Variants in RBFOX1 observed in about 807,000 individuals in gnomAD.
RBFOX1 encodes RNA binding fox-1 homolog 1.
In RBFOX1, 8 loss-of-function variants were observed where a neutral mutation model predicts 57.7. The ratio of observed to expected loss-of-function variants is 0.14; its 90% CI spans 0.08 to 0.25. RBFOX1 has a LOEUF of 0.25. RBFOX1 is among the 10% of genes least tolerant of loss of function. RBFOX1 has a pLI of 1.00. For missense variants in RBFOX1, 611 were observed against 548.5 expected (o/e 1.11, Z -1.14); for synonymous variants, 326 against 222.4 (o/e 1.47, Z -4.15).
At chr16:5,878,255 C>T (rs3859167) in intron 4 of RBFOX1, among the ~76,000 whole-genome samples, 59,124 of 151,934 alleles carry the variant, frequency 0.39, 12,811 homozygotes, top group African/African-American at 0.57. Context: ...GTGGTTATAG[C>T]GGCAGCAGTG....
chr16:7,460,123 A>G (rs534828623), intron 4 of RBFOX1, among the ~76,000 whole-genome samples: 12 of 151,850 alleles, frequency 7.9e-5, no homozygotes, highest in East Asian at 7.7e-4. Context: ...GGTTTTTGCA[A>G]TATTTCTCCT....
chr16:6,094,827 G>C (rs1322404251), intron 1 of RBFOX1, among the ~76,000 whole-genome samples: 1 of 152,208 alleles, frequency 6.6e-6, no homozygotes, highest in African/African-American at 2.4e-5. Flanking sequence ...ACCTTGGGAG[G>C]CTGAGGCGGA....
chr16:5,437,968 A>T (rs142119978), intron 1 of RBFOX1, among the ~76,000 whole-genome samples: 1 of 152,354 alleles, frequency 6.6e-6, no homozygotes, highest in Non-Finnish European at 1.5e-5. Flanking sequence ...TTAAAAAAGA[A>T]AGGATCTGAC....
intron 2 of RBFOX1, among the ~76,000 whole-genome samples, chr16:6,610,227 A>G (rs546139222): frequency 6.6e-6 from 1 of 152,286 alleles, no homozygotes; most frequent in South Asian, 2.1e-4. Flanking sequence ...TTTCTTTTCC[A>G]CTGTTTGTTT....
chr16:7,445,405 A>G lies in RBFOX1; in HGVS notation c.28-72742A>G, dbSNP rs182505313. Among the ~76,000 whole-genome samples, 251 of 152,280 alleles carry G rather than the reference A, an allele frequency of 1.6e-3. 1 individual carries two copies. Among genetic ancestry groups the G allele is most frequent in the African/African-American group, 5.8e-3 (239 of 41,560 alleles). On this transcript the variant is annotated intron_variant, in intron 4 of 15. Coordinates refer to ENST00000550418, the MANE Select transcript of RBFOX1 (RefSeq NM_018723.4). ...TTATGCACCAGCTCCATTTGAGGAA[A>G]TGAAAGTAGGAATCACAATATTTGC... is the stretch of plus-strand genomic sequence containing the variant.
At position 6,226,373 on chromosome 16, in the gene RBFOX1, C is replaced by CCAA. The variant is rs1555563387; in HGVS notation, c.-126-90621_-126-90619dup. On this transcript the variant is annotated intron_variant, in intron 1 of 15. Transcript: ENST00000550418. ...CGGCAACAAGAGTGAAACTCTGTCT[C>CCAA]CAAAAAAAAAAAAAAAAACAAAAAA... 4.2e-3 allele frequency among the ~76,000 whole-genome samples: 23 copies of CCAA among 5,472 alleles called. 1 individual carries two copies. Among genetic ancestry groups the CCAA allele is most frequent in the African/African-American group, 6.2e-3 (22 of 3,560 alleles). The allele number at this position is 5,472 out of a possible 152,430, so 3.6% of individuals were successfully genotyped here. A position where few individuals can be genotyped will look rare whatever the true frequency, so the allele number is the denominator to read the frequency against.
At chr16:5,398,144 C>T (rs375512798) in intron 1 of RBFOX1, among the ~76,000 whole-genome samples, 59 of 152,292 alleles carry the variant, frequency 3.9e-4, no homozygotes, top group African/African-American at 1.3e-3. Context: ...GAGGGGACAC[C>T]TAAGCTGACA....
Position 7,096,511 on chromosome 16 carries a change from T to C in RBFOX1, c.27+44413T>C, listed in dbSNP as rs142930897. ...GAAGTAGTAGGCTCTAGGAAAAGTT[T>C]TGAGGCCAATTTTCTTGCACCTGGA... On this transcript the variant is annotated intron_variant, in intron 4 of 15. Transcript: ENST00000550418. 7.2e-5 allele frequency among the ~76,000 whole-genome samples: 11 copies of C among 152,256 alleles called. No individual in the cohort carries two copies. In the East Asian group the frequency reaches 2.1e-3, roughly 29 times the overall value.
intron 4 of RBFOX1, among the ~76,000 whole-genome samples, chr16:5,964,997 C>G (rs1308112951): frequency 6.6e-6 from 1 of 152,024 alleles, no homozygotes; most frequent in Non-Finnish European, 1.5e-5. Flanking sequence ...ATGGATGATT[C>G]TGGAGGACAT....
intron 1 of RBFOX1, among the ~76,000 whole-genome samples, chr16:5,344,996 C>T (rs1178060378): frequency 1.3e-5 from 2 of 152,220 alleles, no homozygotes; most frequent in Non-Finnish European, 2.9e-5. Flanking sequence ...GCCTGTTCAC[C>T]TCCCTGCCCT....
chr16:7,684,087 C>G (rs535307438), intron 14 of RBFOX1, among the ~76,000 whole-genome samples: 27 of 152,100 alleles, frequency 1.8e-4, no homozygotes, highest in Non-Finnish European at 3.5e-4. Context: ...AAAGCAAGTT[C>G]TGACTCTGTA....
rs548502310 is a variant in RBFOX1 at position 7,063,305 on chromosome 16, C to T, written c.27+11207C>T. ...TAGGAGTAAGATATTCCCCCCAACC[C>T]CAGGGGACCACCCCCGTGCCCACAG... is the stretch of plus-strand genomic sequence containing the variant. On this transcript the variant is annotated intron_variant, in intron 4 of 15. Transcript: ENST00000550418. 3.9e-4 allele frequency among the ~76,000 whole-genome samples: 59 copies of T among 152,122 alleles called. 1 individual carries two copies. In the South Asian group the frequency reaches 8.7e-3, roughly 23 times the overall value.
chr16:7,027,949 G>T (rs1283098343), intron 3 of RBFOX1, among the ~76,000 whole-genome samples: 1 of 151,200 alleles, frequency 6.6e-6, no homozygotes, highest in East Asian at 2.0e-4. Flanking sequence ...GAGAGAAGGG[G>T]AAGGAAAAGG....
chr16:6,193,386 T>TATA (rs1247578790), intron 1 of RBFOX1, among the ~76,000 whole-genome samples: 41 of 42,328 alleles, frequency 9.7e-4, no homozygotes, highest in African/African-American at 2.7e-3. Flanking sequence ...ACATTATATA[T>TATA]ATATACTATA....
chr16:6,309,309 G>C (rs1314140153), intron 1 of RBFOX1, among the ~76,000 whole-genome samples: 2 of 152,088 alleles, frequency 1.3e-5, no homozygotes, highest in Non-Finnish European at 2.9e-5. Context: ...GAAGGCTGTG[G>C]TACCTCTGCT....
intron 1 of RBFOX1, among the ~76,000 whole-genome samples, chr16:6,227,985 A>C (rs1289563955): frequency 6.6e-6 from 1 of 152,066 alleles, no homozygotes; most frequent in Non-Finnish European, 1.5e-5. Flanking sequence ...AGATGTCTGC[A>C]CTCCTGTGTT....
chr16:7,010,870 C>T (rs1051141433), intron 3 of RBFOX1, among the ~76,000 whole-genome samples: 7 of 152,216 alleles, frequency 4.6e-5, no homozygotes, highest in Non-Finnish European at 8.8e-5. Flanking sequence ...AGCCACTGCT[C>T]CCGGCCCACA....
chr16:6,571,237 G>C (rs2097340606), intron 2 of RBFOX1, among the ~76,000 whole-genome samples: 1 of 152,174 alleles, frequency 6.6e-6, no homozygotes, highest in Non-Finnish European at 1.5e-5. Flanking sequence ...TCTTGCCGTT[G>C]ATAATGTGAG....
intron 12 of RBFOX1, among the ~76,000 whole-genome samples, chr16:7,662,131 C>T (rs2067918193): frequency 6.6e-6 from 1 of 152,202 alleles, no homozygotes; most frequent in Non-Finnish European, 1.5e-5. Context: ...GGAACAGCCT[C>T]CAAGGCCTGG....
Sources: gnomAD v4.1 joint callset for allele counts (sites outside exome capture counted in the v4.1 genomes callset) on GRCh38, gnomAD v4.1.1 for gene constraint, MANE v1.5 for transcripts, NCBI Gene and HGNC (gene_info 2026-07-23, HGNC 2026-07-21) for gene names.